The following ABTB2 variants were observed in gnomAD, a reference collection of about 807,000 sequenced individuals.
ABTB2 encodes the protein ankyrin repeat and BTB/POZ domain-containing protein 2.
In ABTB2, 56 loss-of-function variants were observed where a neutral mutation model predicts 104.1. The observed-to-expected ratio is 0.54, with a 90% confidence interval of 0.43 to 0.67. The LOEUF (loss-of-function observed/expected upper bound fraction) is 0.67. Among genes scored for constraint, ABTB2 ranks in the 30% least tolerant of loss-of-function variants. The pLI is 0.00. For missense variants in ABTB2, 1,279 were observed against 1,407.7 expected, an observed-to-expected ratio of 0.91 and a Z score of 1.46; for synonymous variants, 606 against 608.2, an observed-to-expected ratio of 1.00 and a Z score of 0.05.
At position 34,257,992 on chromosome 11, in the gene ABTB2, A is replaced by G. The variant is rs187732373; in HGVS notation, c.884-53302T>C. Among the ~76,000 whole-genome samples, 408 of 152,098 alleles carry G rather than the reference A, an allele frequency of 2.7e-3. 4 individuals are homozygous for G. Among genetic ancestry groups the G allele is most frequent in the African/African-American group, 9.3e-3 (385 of 41,470 alleles). ...ATCCCAATCAGTCACAGGCCATGCTACCCCAGTCTCCCTGAGTCCCCAGCC... is the reference window on the plus strand; with the variant it reads ...ATCCCAATCAGTCACAGGCCATGCTGCCCCAGTCTCCCTGAGTCCCCAGCC... On this transcript the variant is annotated intron_variant, in intron 1 of 16. Transcript: ENST00000435224.
intron 1 of ABTB2, among the ~76,000 whole-genome samples, chr11:34,237,665 T>A (rs1267440391): frequency 6.6e-6 from 1 of 152,082 alleles, no homozygotes; most frequent in African/African-American, 2.4e-5. Context: ...GAGGCCAAGG[T>A]GGGCAGATCA....
In ABTB2 at chr11:34,165,307, C is replaced by T. The variant is rs1339155349; in HGVS notation, c.1805G>A (p.Gly602Asp). Reference protein sequence around the residue: ...AHVEGSAVNGGEDSYAETPLQ... With the variant: ...AHVEGSAVNGDEDSYAETPLQ... ...GGGCGTCTCCGCATAGCTGTCCTCG[C>T]CGCCGTTCACTGCCGAGCCCTCGAC... The change falls in exon 8 of 17, where the codon GGC becomes GAC. Residue 602 changes from glycine to aspartate, a missense_variant. By Grantham distance (94) the Gly-to-Asp change is moderately conservative (BLOSUM62 -1). Transcript: ENST00000435224. 1.9e-6 allele frequency: 3 copies of T among 1,578,162 alleles called. No individual in the cohort carries two copies. The highest frequency in any genetic ancestry group is 2.7e-5 in the African/African-American group (2 of 73,864).
intron 1 of ABTB2, among the ~76,000 whole-genome samples, chr11:34,303,635 GCTTT>G (rs1854735613): frequency 7.7e-6 from 1 of 129,456 alleles, no homozygotes; most frequent in African/African-American, 3.0e-5. Flanking sequence ...AACTATGGGT[GCTTT>G]TTTTTTTTTT....
intron 1 of ABTB2, among the ~76,000 whole-genome samples, chr11:34,230,841 G>T (rs2926463): frequency 0.7 from 106,213 of 152,044 alleles, 37,173 homozygotes; most frequent in Middle Eastern, 0.8. Context: ...CCAGTAGCAA[G>T]GAGTATATCC....
chr11:34,191,248 G>GAC (rs777912730), intron 3 of ABTB2, among the ~76,000 whole-genome samples: 18 of 152,186 alleles, frequency 1.2e-4, no homozygotes, highest in Non-Finnish European at 2.2e-4. Flanking sequence ...CAGCCTGGGT[G>GAC]ACAGAGTGAG....
At chr11:34,263,227 G>A (rs796190829) in intron 1 of ABTB2, among the ~76,000 whole-genome samples, 4 of 152,150 alleles carry the variant, frequency 2.6e-5, no homozygotes, top group African/African-American at 9.6e-5. Flanking sequence ...TTGGTCTTAC[G>A]TGTGAGAGTC....
chr11:34,263,779 C>G (rs980412936), intron 1 of ABTB2, among the ~76,000 whole-genome samples: 3 of 152,176 alleles, frequency 2.0e-5, no homozygotes, highest in African/African-American at 7.2e-5. Context: ...CCCCAGGAGC[C>G]CTATCTCCTA....
chr11:34,325,963 A>AATAAC (rs1426804144), intron 1 of ABTB2, among the ~76,000 whole-genome samples: 7 of 94,702 alleles, frequency 7.4e-5, no homozygotes, highest in African/African-American at 1.8e-4. Context: ...AATAAAATAA[A>AATAAC]ATAAAATAAA....
chr11:34,329,414 A>T (rs1189597713), intron 1 of ABTB2, among the ~76,000 whole-genome samples: 1 of 152,148 alleles, frequency 6.6e-6, no homozygotes, highest in East Asian at 1.9e-4. Flanking sequence ...TTCTCTCCAC[A>T]GCATCCAATC....
At chr11:34,296,037 C>A (rs761689548) in intron 1 of ABTB2, among the ~76,000 whole-genome samples, 2 of 152,130 alleles carry the variant, frequency 1.3e-5, no homozygotes, top group Non-Finnish European at 2.9e-5. Context: ...GAGGCTAAGG[C>A]GGGAGTATTG....
chr11:34,280,366 C>A (rs1854435872), intron 1 of ABTB2, among the ~76,000 whole-genome samples: 1 of 152,158 alleles, frequency 6.6e-6, no homozygotes, highest in Admixed American at 6.5e-5. Flanking sequence ...TGGTTCCCAA[C>A]AGGTAGGTTT....
In ABTB2 at chr11:34,211,800, A is replaced by G. The variant is rs1430138312; in HGVS notation, c.884-7110T>C. Among the ~76,000 whole-genome samples the G allele has an allele frequency of 2.0e-5, 3 of 150,022 alleles. No individual in the cohort carries two copies. In the East Asian group the frequency reaches 6.2e-4, roughly 31 times the overall value. ...GCTACTCAGGAGGCTGAGGCAGGAG[A>G]ATTGCTTGAAACTGGGAGGCAGAGG... On this transcript the variant is annotated intron_variant, in intron 1 of 16. Coordinates refer to ENST00000435224, the MANE Select transcript of ABTB2 (RefSeq NM_145804.3).
At chr11:34,295,311 C>A (rs115557029) in intron 1 of ABTB2, among the ~76,000 whole-genome samples, 1 of 152,134 alleles carries the variant, frequency 6.6e-6, no homozygotes, top group East Asian at 1.9e-4. Context: ...GGGACCCTAA[C>A]GTACAAGTTG....
intron 1 of ABTB2, among the ~76,000 whole-genome samples, chr11:34,310,926 AT>A (rs1395713310): frequency 6.6e-6 from 1 of 152,126 alleles, no homozygotes; most frequent in Non-Finnish European, 1.5e-5. Context: ...AAGGGAAGCA[AT>A]TTCCCCGGTG....
intron 3 of ABTB2, among the ~76,000 whole-genome samples, chr11:34,175,488 G>C (rs566239010): frequency 6.6e-6 from 1 of 152,248 alleles, no homozygotes; most frequent in South Asian, 2.1e-4. Context: ...CAGAATTGTT[G>C]TGTGGGTACT....
rs1320312532 is a variant in ABTB2 at position 34,154,413 on chromosome 11, T to C, written c.2767-35A>G. On this transcript the variant is annotated intron_variant, in intron 15 of 16. Coordinates refer to ENST00000435224, the MANE Select transcript of ABTB2 (RefSeq NM_145804.3). This position sits in a 1 kb window ranked among gnomAD's most constrained non-coding sequence, Gnocchi z 4.9. ...AGGCAGAGCAGGTCTTGGGGACCCA[T>C]GGCCAGACCAGTGGCCCAGACAGCA... is the stretch of plus-strand genomic sequence containing the variant. 8.0e-6 allele frequency: 12 copies of C among 1,501,346 alleles called. No individual in the cohort carries two copies. The highest frequency in any genetic ancestry group is 5.2e-5 in the Admixed American group (3 of 57,356). The allele number at this position is 1,501,346 out of a possible 1,614,324, so 93.0% of individuals were successfully genotyped here. A position where few individuals can be genotyped will look rare whatever the true frequency, so the allele number is the denominator to read the frequency against.
Position 34,232,426 on chromosome 11 carries a change from G to A in ABTB2, c.884-27736C>T, listed in dbSNP as rs192327272. Among the ~76,000 whole-genome samples, 37 of 150,660 alleles carry A rather than the reference G, an allele frequency of 2.5e-4. No homozygotes were observed. The South Asian group carries it at 4.8e-3, about 20-fold the overall frequency. ...GATCGCGCCACTGCACTCCAGCCTG[G>A]GCAATAGAGGGAGACTCTGTCTCAA... On this transcript the variant is annotated intron_variant, in intron 1 of 16. Transcript: ENST00000435224.
At chr11:34,303,703 C>T (rs10836184) in intron 1 of ABTB2, among the ~76,000 whole-genome samples, 32,611 of 133,872 alleles carry the variant, frequency 0.24, 4,068 homozygotes, top group East Asian at 0.45. Flanking sequence ...AGTGCAGTGG[C>T]GTGATCTCAG....
intron 1 of ABTB2, among the ~76,000 whole-genome samples, chr11:34,315,071 G>A (rs1437849308): frequency 6.6e-6 from 1 of 152,170 alleles, no homozygotes; most frequent in East Asian, 1.9e-4. Flanking sequence ...TCGCCAGAAG[G>A]GCTCAAAATT....
Sources: gnomAD v4.1 joint callset for allele counts (sites outside exome capture counted in the v4.1 genomes callset) on GRCh38, gnomAD v4.1.1 for gene constraint, Gnocchi (gnomAD v3.1) non-coding constraint, MANE v1.5 for transcripts, NCBI Gene and HGNC (gene_info 2026-07-23, HGNC 2026-07-21) for gene names.